Variants in SEH1L observed in about 807,000 individuals in gnomAD.
SEH1L encodes the protein SEH1 like nucleoporin.
A neutral mutation model predicts 49.5 loss-of-function variants in SEH1L; 18 were observed. The ratio of observed to expected loss-of-function variants is 0.36; its 90% confidence interval spans 0.25 to 0.54. SEH1L has a LOEUF of 0.54. Among genes scored for constraint, SEH1L ranks in the 20% least tolerant of loss-of-function variants. The pLI is 0.87. For synonymous variants in SEH1L, 169 were observed against 178.1 expected (o/e 0.95, Z 0.41); for missense variants, 404 against 528.8 (o/e 0.76, Z 2.31).
chr18:12,977,149 G>C (rs1228898740), intron 5 of SEH1L: 3 of 152,316 alleles, frequency 2.0e-5, no homozygotes, highest in African/African-American at 7.2e-5. Flanking sequence ...ACCTTGAGGT[G>C]TGTACCAGCT....
chr18:12,959,331 G>T (rs564135544), intron 3 of SEH1L, among the ~76,000 whole-genome samples: 1 of 152,212 alleles, frequency 6.6e-6, no homozygotes, highest in East Asian at 1.9e-4. Flanking sequence ...TGCAATATTT[G>T]CATTTATACT....
chr18:12,986,959 T>C lies in SEH1L; in HGVS notation c.1168T>C (p.Ser390Pro). The C allele has an allele frequency of 6.2e-7, 1 of 1,614,090 alleles. No homozygotes were observed. The highest frequency in any genetic ancestry group is 8.5e-7 in the Non-Finnish European group (1 of 1,179,964). Reference sequence around the variant, plus strand: ...TCCTCCTCCTCCTCTGGTAGAGCACTCTTGCGATGCTGACACTGCCAACCT... The same window carrying C: ...TCCTCCTCCTCCTCTGGTAGAGCACCCTTGCGATGCTGACACTGCCAACCT... ...PPPPPPLVEH[S>P]CDADTANLQY... Residue 390 changes from serine to proline, a missense_variant, in exon 9 of 9, where the codon TCT becomes CCT. Physicochemically the swap from Ser to Pro is moderately conservative, Grantham distance 74. Coordinates refer to ENST00000399892, the MANE Select transcript of SEH1L (RefSeq NM_001013437.2).
chr18:12,982,836 A>C, intron 7 of SEH1L, 161 bp downstream of exon 7: 1 of 577,354 alleles, frequency 1.7e-6, no homozygotes, highest in Non-Finnish European at 2.9e-6. Context: ...CCTAGTTCAT[A>C]GAAGTTAATG....
intron 4 of SEH1L, among the ~76,000 whole-genome samples, chr18:12,970,928 G>A (rs2031672840): frequency 6.6e-6 from 1 of 152,128 alleles, no homozygotes; most frequent in Non-Finnish European, 1.5e-5. Context: ...ATAAGAATAT[G>A]CTAAAAACAG....
Position 12,975,403 on chromosome 18 carries a change from C to T in SEH1L, c.621-3349C>T, listed in dbSNP as rs572880333. ...TACTAAGAGCTGAAGGAGCTTACAG[C>T]GCCTAGGATATGGATGAGGATGGTC... is the stretch of plus-strand genomic sequence containing the variant. On this transcript the variant is annotated intron_variant, in intron 5 of 8. Transcript: ENST00000399892. Among the ~76,000 whole-genome samples, 6 of 152,012 alleles carry T rather than the reference C, an allele frequency of 3.9e-5. No individual in the cohort carries two copies. In the South Asian group the frequency reaches 1.2e-3, roughly 32 times the overall value.
At chr18:12,983,434 G>GAC (rs1283657647) in intron 7 of SEH1L, among the ~76,000 whole-genome samples, 1 of 152,188 alleles carries the variant, frequency 6.6e-6, no homozygotes, top group East Asian at 1.9e-4. Context: ...GATTTTAGGG[G>GAC]CTTTGCTGTC....
In SEH1L at chr18:12,966,677, C is replaced by T. The variant is rs781666299; in HGVS notation, c.521+3306C>T. On this transcript the variant is annotated intron_variant, in intron 4 of 8. Coordinates refer to ENST00000399892, the MANE Select transcript of SEH1L (RefSeq NM_001013437.2). ...TTGGCCTCCCAAAGTGCTGAGATTACAGGCATGAGCCACTGCACTTGGCCA... is the reference window on the plus strand; with the variant it reads ...TTGGCCTCCCAAAGTGCTGAGATTATAGGCATGAGCCACTGCACTTGGCCA... Among the ~76,000 whole-genome samples the T allele has an allele frequency of 2.6e-5, 4 of 152,338 alleles. 1 individual carries two copies. The highest frequency in any genetic ancestry group is 6.8e-3 in the Middle Eastern group (2 of 294).
intron 5 of SEH1L, chr18:12,974,648 A>T (rs1359351980): frequency 6.6e-6 from 1 of 152,190 alleles, no homozygotes; most frequent in African/African-American, 2.4e-5. Context: ...CCAGTGTTGG[A>T]TATATTTGTT....
intron 3 of SEH1L, among the ~76,000 whole-genome samples, chr18:12,957,671 C>G (rs1328794914): frequency 1.3e-5 from 2 of 152,140 alleles, no homozygotes; most frequent in African/African-American, 2.4e-5. Context: ...AATAGATAAT[C>G]ATGCACATGG....
At position 12,986,936 on chromosome 18, in the gene SEH1L, C is replaced by T. The variant is rs1410410638; in HGVS notation, c.1145C>T (p.Pro382Leu). 3.1e-6 allele frequency: 5 copies of T among 1,613,598 alleles called. No individual in the cohort carries two copies. The Admixed American group carries it at 5.0e-5, about 16-fold the overall frequency. ...AGTTATGCCCAGCTCCTTCCTCCTC[C>T]TCCTCCTCCTCTGGTAGAGCACTCT... ...WSSYAQLLPP[P>L]PPPLVEHSCD... Residue 382 changes from proline (P) to leucine (L), a missense_variant, in exon 9 of 9, where the codon CCT becomes CTT. By Grantham distance (98) the Pro-to-Leu change is moderately conservative. Around this residue, in one of 3 missense-constraint regions of SEH1L, gnomAD observed 342 missense variants for 430.8 expected, o/e 0.79. Transcript: ENST00000399892.
At chr18:12,963,522 T>A in intron 4 of SEH1L, 151 bp downstream of exon 4, 1 of 619,428 alleles carries the variant, frequency 1.6e-6, no homozygotes, top group Non-Finnish European at 2.8e-6. Flanking sequence ...GCATGTCATT[T>A]GTCCCTGTTT....
At chr18:12,949,722 G>A (rs550904207) in intron 1 of SEH1L, among the ~76,000 whole-genome samples, 1 of 152,216 alleles carries the variant, frequency 6.6e-6, no homozygotes, top group East Asian at 1.9e-4. Context: ...CAAAGTGCTA[G>A]GATTACGGGC....
At chr18:12,973,709 G>A (rs1217867423) in intron 5 of SEH1L, 1 of 152,164 alleles carries the variant, frequency 6.6e-6, no homozygotes, top group Non-Finnish European at 1.5e-5. Context: ...CTAGACTGGG[G>A]GATTCCCTGT....
At chr18:12,955,978 A>T (rs766569619) in intron 3 of SEH1L, among the ~76,000 whole-genome samples, 1 of 151,170 alleles carries the variant, frequency 6.6e-6, no homozygotes, top group African/African-American at 2.4e-5. Flanking sequence ...GATTATAGGC[A>T]TGAGCCACTG....
intron 7 of SEH1L, 43 bp downstream of exon 7, chr18:12,982,718 C>T: frequency 7.0e-7 from 1 of 1,429,006 alleles, no homozygotes; most frequent in Non-Finnish European, 9.4e-7. Flanking sequence ...TATATTTCTG[C>T]TCTGCAATTT....
intron 8 of SEH1L, chr18:12,985,521 GA>G (rs2032427830): frequency 8.2e-7 from 1 of 1,215,668 alleles, no homozygotes; most frequent in African/African-American, 1.6e-5. Flanking sequence ...ACAATTTTTT[GA>G]AATGTTCCTG....
At chr18:12,983,977 C>T (rs1422762513) in intron 7 of SEH1L, 63 bp from the exon 8 acceptor site, 2 of 1,336,582 alleles carry the variant, frequency 1.5e-6, no homozygotes, top group African/African-American at 1.5e-5. Flanking sequence ...GACATGGGTA[C>T]AGATTTGTGC....
intron 3 of SEH1L, among the ~76,000 whole-genome samples, chr18:12,959,358 G>A (rs577500900): frequency 7.2e-4 from 110 of 152,136 alleles, no homozygotes; most frequent in Admixed American, 2.0e-3. Flanking sequence ...TTAAGCATTC[G>A]CCTACTTATT....
chr18:12,979,958 GTGCCCCT>G, intron 6 of SEH1L, among the ~76,000 whole-genome samples: 1 of 129,742 alleles, frequency 7.7e-6, no homozygotes, highest in Non-Finnish European at 1.6e-5. Flanking sequence ...CCGGGCAGAG[GTGCCCCT>G]CACCTCCCGG....
Sources: allele counts gnomAD v4.1 joint callset (sites outside exome capture counted in the v4.1 genomes callset), GRCh38; gene constraint gnomAD v4.1.1; regional missense constraint gnomAD v4.1.1; transcripts MANE v1.5; gene names NCBI Gene and HGNC (gene_info 2026-07-23, HGNC 2026-07-21).